EPG5: variants seen among roughly 807,000 people sequenced by gnomAD.
EPG5 encodes ectopic P granules protein 5 homolog.
EPG5 carries 159 observed loss-of-function variants against 302.7 expected under a neutral mutation model. The ratio of observed to expected loss-of-function variants is 0.53; its 90% confidence interval spans 0.46 to 0.60. The LOEUF (loss-of-function observed/expected upper bound fraction) is 0.60, where lower values mean the gene tolerates loss of function less well. Ranked by LOEUF, EPG5 falls within the 20% of genes least tolerant of loss-of-function variation. EPG5 has a pLI of 0.00. For missense variants in EPG5, 2,896 were observed against 3,092.4 expected (o/e 0.94, Z 1.51); for synonymous variants, 1,158 against 1,136.8 (o/e 1.02, Z -0.37).
intron 1 of EPG5, among the ~76,000 whole-genome samples, chr18:45,963,779 T>C (rs1482509674): frequency 1.3e-5 from 2 of 152,126 alleles, no homozygotes; most frequent in African/African-American, 2.4e-5. Context: ...TTTGAAAGGT[T>C]TTGAGGAGAG....
intron 8 of EPG5, 120 bp downstream of exon 8, chr18:45,943,885 C>T: frequency 1.6e-6 from 1 of 637,492 alleles, no homozygotes; most frequent in Non-Finnish European, 2.8e-6. Context: ...CGCGCCACTG[C>T]ACTCAGGCCT....
Position 45,939,771 on chromosome 18 carries a change from G to C in EPG5, c.1944-16C>G, listed in dbSNP as rs575676819. On this transcript the variant is annotated splice_polypyrimidine_tract_variant and intron_variant, in intron 9 of 43. Coordinates refer to ENST00000282041, the MANE Select transcript of EPG5 (RefSeq NM_020964.3). ...AAGAGTCATCCTGAGCATGAGGAAA[G>C]ATAATACAGTACTTTTCATTAGCTC... 4 of 1,610,194 alleles carry C rather than the reference G, an allele frequency of 2.5e-6. No homozygotes were observed. In the African/African-American group the frequency reaches 4.0e-5, roughly 16 times the overall value.
chr18:45,879,771 T>A (rs923723446), intron 32 of EPG5, among the ~76,000 whole-genome samples: 6 of 152,158 alleles, frequency 3.9e-5, no homozygotes, highest in Non-Finnish European at 8.8e-5. Context: ...CAGAGCTCCA[T>A]GGGACACTGC....
At chr18:45,943,091 C>A in intron 9 of EPG5, 70 bp downstream of exon 9, 2 of 1,425,420 alleles carry the variant, frequency 1.4e-6, no homozygotes, top group Non-Finnish European at 1.9e-6. Context: ...GTCCATCATC[C>A]CAATTATGCA....
At chr18:45,904,197 T>G (rs780674953) in intron 24 of EPG5, 80 bp from the exon 25 acceptor site, 290 of 1,502,150 alleles carry the variant, frequency 1.9e-4, no homozygotes, top group Non-Finnish European at 2.4e-4. Flanking sequence ...AACTATAAAG[T>G]GAACCAGTAA....
the EPG5 span, among the ~76,000 whole-genome samples, chr18:45,828,517 G>T: frequency 6.6e-6 from 1 of 152,170 alleles, no homozygotes; most frequent in African/African-American, 2.4e-5. Context: ...GGCCTCAGGT[G>T]GTCCTCAAGC....
chr18:45,840,343 G>T, the EPG5 span: 2 of 1,343,338 alleles, frequency 1.5e-6, no homozygotes, highest in Non-Finnish European at 2.1e-6. Flanking sequence ...AAGGGCTGGG[G>T]CTGGGGTCCT....
At chr18:45,952,693 T>C (rs1250346675) in intron 2 of EPG5, 50 bp from the exon 3 acceptor site, 1 of 1,596,314 alleles carries the variant, frequency 6.3e-7, no homozygotes, top group Non-Finnish European at 8.5e-7. Flanking sequence ...TCTTTCCATT[T>C]GAAGTAAGCA....
At chr18:45,902,506 A>C (rs2049643330) in intron 25 of EPG5, among the ~76,000 whole-genome samples, 1 of 152,250 alleles carries the variant, frequency 6.6e-6, no homozygotes, top group African/African-American at 2.4e-5. Flanking sequence ...CAAAAAATCT[A>C]AATTCATATT....
chr18:45,926,652 C>T (rs374298714), intron 13 of EPG5, among the ~76,000 whole-genome samples: 218 of 151,912 alleles, frequency 1.4e-3, no homozygotes, highest in African/African-American at 5.1e-3. Context: ...CATGGTGAAA[C>T]CTCGTCTCTA....
At chr18:45,946,595 G>C in intron 7 of EPG5, 68 bp downstream of exon 7, 1 of 1,214,004 alleles carries the variant, frequency 8.2e-7, no homozygotes, top group Non-Finnish European at 1.2e-6. Flanking sequence ...AAAGTGCTTA[G>C]AACAATACTT....
chr18:45,900,849 G>A, intron 26 of EPG5, 147 bp downstream of exon 26: 1 of 650,548 alleles, frequency 1.5e-6, no homozygotes, highest in Non-Finnish European at 2.5e-6. Flanking sequence ...TCACAACTTG[G>A]TTAACCAAGT....
At chr18:45,818,731 A>ATTTT in the EPG5 span, among the ~76,000 whole-genome samples, 1 of 79,102 alleles carries the variant, frequency 1.3e-5, no homozygotes, top group African/African-American at 4.9e-5. Context: ...TTTTTGCATA[A>ATTTT]CTTTTTTTTT....
Position 45,866,930 on chromosome 18 carries a change from A to G in EPG5, c.6489T>C (p.Ser2163=), listed in dbSNP as rs1180674025. The G allele has an allele frequency of 2.5e-6, 4 of 1,614,022 alleles. No individual in the cohort carries two copies. The highest frequency in any genetic ancestry group is 2.5e-6 in the Non-Finnish European group (3 of 1,179,952). Residue 2163 remains serine, a synonymous_variant, in exon 38 of 44, where the codon AGT becomes AGC. Coordinates refer to ENST00000282041, the MANE Select transcript of EPG5 (RefSeq NM_020964.3). ...AATGGCTGCTGAAATAACTTAGCAC[A>G]CTCTGGTACGACACAATATCCACAA... ...WHLVDIVSYQ[S]VLSYFSSHYP...
At chr18:45,949,614 T>C (rs751970810) in intron 4 of EPG5, 23 bp from the exon 5 acceptor site, 2 of 1,470,468 alleles carry the variant, frequency 1.4e-6, no homozygotes, top group Admixed American at 3.5e-5. Flanking sequence ...GGTCATATGA[T>C]CTCACTATTT....
In EPG5 at chr18:45,879,220, A is replaced by G; in HGVS notation, c.5668-6T>C. 1 of 1,590,520 alleles carries G rather than the reference A, an allele frequency of 6.3e-7. No homozygotes were observed. Among genetic ancestry groups the G allele is most frequent in the Non-Finnish European group, 8.5e-7 (1 of 1,169,808 alleles). On this transcript the variant is annotated splice_region_variant and splice_polypyrimidine_tract_variant and intron_variant, in intron 32 of 43. Coordinates refer to ENST00000282041, the MANE Select transcript of EPG5 (RefSeq NM_020964.3). ...CACTGTATAGTCTCCATTACCTGGA[A>G]GAGACAACTAGTCAAAAAATGCTTA...
chr18:45,864,064 A>G (rs1440141880), intron 39 of EPG5, among the ~76,000 whole-genome samples: 4 of 151,958 alleles, frequency 2.6e-5, no homozygotes, highest in African/African-American at 4.8e-5. Flanking sequence ...TGTATATTAA[A>G]CCTTCTCAGC....
the EPG5 span, among the ~76,000 whole-genome samples, chr18:45,809,436 A>G: frequency 6.6e-6 from 1 of 152,232 alleles, no homozygotes; most frequent in African/African-American, 2.4e-5. Context: ...TCAACAGCAC[A>G]TGGAACCTTC....
chr18:45,834,787 T>C, the EPG5 span, among the ~76,000 whole-genome samples: 21 of 152,172 alleles, frequency 1.4e-4, no homozygotes, highest in Admixed American at 1.3e-3. Context: ...GCAAATAATA[T>C]GTGGGGAATC....
Sources: allele counts gnomAD v4.1 joint callset (sites outside exome capture counted in the v4.1 genomes callset), GRCh38; gene constraint gnomAD v4.1.1; transcripts MANE v1.5; gene names NCBI Gene and HGNC (gene_info 2026-07-23, HGNC 2026-07-21).